PRELID2: variants seen among roughly 807,000 people sequenced by gnomAD.
PRELID2 encodes PRELI domain containing 2, also known as PRELI domain-containing protein 2.
Under a neutral mutation model 28.4 loss-of-function variants are expected in PRELID2, and 25 were observed. The ratio of observed to expected loss-of-function variants is 0.88; its 90% CI spans 0.64 to 1.23. The LOEUF (loss-of-function observed/expected upper bound fraction) is 1.23, where lower values mean the gene tolerates loss of function less well. Ranked by LOEUF, PRELID2 falls within the 50% of genes most tolerant of loss-of-function variation. The pLI, the probability that PRELID2 is intolerant of heterozygous loss-of-function variation, is 0.00. For synonymous variants in PRELID2, 76 were observed against 71.6 expected (o/e 1.06, Z -0.31); for missense variants, 201 against 214.4 (o/e 0.94, Z 0.39).
intron 2 of PRELID2, among the ~76,000 whole-genome samples, chr5:145,473,015 CAACT>C (rs1358640439): frequency 1.3e-5 from 2 of 152,098 alleles, no homozygotes; most frequent in Non-Finnish European, 2.9e-5. Context: ...TCACAGCAAC[CAACT>C]ATCTGTGCTA....
the PRELID2 span, among the ~76,000 whole-genome samples, chr5:145,272,265 G>T: frequency 6.6e-6 from 1 of 152,018 alleles, no homozygotes; most frequent in Non-Finnish European, 1.5e-5. Context: ...TAAGATAGAC[G>T]TCATGGGACT....
intron 1 of PRELID2, among the ~76,000 whole-genome samples, chr5:145,658,037 C>G (rs188452961): frequency 1.4e-3 from 217 of 152,256 alleles, no homozygotes; most frequent in African/African-American, 5.1e-3. Flanking sequence ...GTGCTACAGA[C>G]AATTCAGTTA....
the PRELID2 span, among the ~76,000 whole-genome samples, chr5:145,287,238 G>A: frequency 6.6e-6 from 1 of 152,006 alleles, no homozygotes; most frequent in South Asian, 2.1e-4. Context: ...ACATAGCTAT[G>A]ATAAAGTTTA....
At chr5:145,405,671 G>C in the PRELID2 span, among the ~76,000 whole-genome samples, 2 of 147,402 alleles carry the variant, frequency 1.4e-5, no homozygotes, top group Admixed American at 1.4e-4. Context: ...GCACAAGCAA[G>C]AGACAGCAAG....
intron 5 of PRELID2, among the ~76,000 whole-genome samples, chr5:145,768,098 G>A (rs1757879853): frequency 6.6e-6 from 1 of 151,840 alleles, no homozygotes; most frequent in Non-Finnish European, 1.5e-5. Context: ...GGTGGTGGGT[G>A]CCTGTAGTCC....
intron 1 of PRELID2, among the ~76,000 whole-genome samples, chr5:145,536,543 T>G (rs1230401449): frequency 6.6e-6 from 1 of 151,910 alleles, no homozygotes; most frequent in African/African-American, 2.4e-5. Context: ...AGGCACTCTT[T>G]TATTTATTTC....
chr5:145,557,791 C>A (rs572177672), intron 1 of PRELID2, among the ~76,000 whole-genome samples: 56 of 152,308 alleles, frequency 3.7e-4, no homozygotes, highest in African/African-American at 1.3e-3. Context: ...AAGGTCAACA[C>A]TTAGTAAATG....
chr5:145,387,920 T>C, the PRELID2 span, among the ~76,000 whole-genome samples: 4 of 146,960 alleles, frequency 2.7e-5, no homozygotes. Context: ...AGAAAGACCC[T>C]GTCTCAAGAC....
the PRELID2 span, among the ~76,000 whole-genome samples, chr5:145,372,250 T>C: frequency 1.4e-3 from 219 of 152,142 alleles, no homozygotes; most frequent in African/African-American, 4.9e-3. Flanking sequence ...TGTAATTGAT[T>C]TGTTTTGAGT....
At position 145,568,237 on chromosome 5, in the gene PRELID2, A is replaced by T. The variant is rs866772564; in HGVS notation, n.71-94922T>A. On this transcript the variant is annotated intron_variant and non_coding_transcript_variant, in intron 1 of 2. Transcript: ENST00000510259. ...GTGAGGAAGAGGCCAAGTGCACTCTAATAGAGACCCCTCCACATGGAATCC... is the reference window on the plus strand; with the variant it reads ...GTGAGGAAGAGGCCAAGTGCACTCTTATAGAGACCCCTCCACATGGAATCC... Among the ~76,000 whole-genome samples the T allele has an allele frequency of 3.3e-5, 5 of 152,226 alleles. No homozygotes were observed. The South Asian group carries it at 8.3e-4, about 25-fold the overall frequency.
chr5:145,599,015 A>C (rs1446835210), intron 1 of PRELID2, among the ~76,000 whole-genome samples: 1 of 152,062 alleles, frequency 6.6e-6, no homozygotes, highest in Non-Finnish European at 1.5e-5. Context: ...CTATGTCAAA[A>C]CTTGATTCAG....
chr5:145,811,176 A>G lies in PRELID2; in HGVS notation c.368+6718T>C, dbSNP rs192779950. ...TCAGATCTCGTGAAACTTATTCACTATCACAAGAACAGCATGGGAAAGACC... is the reference window on the plus strand; with the variant it reads ...TCAGATCTCGTGAAACTTATTCACTGTCACAAGAACAGCATGGGAAAGACC... On this transcript the variant is annotated intron_variant, in intron 4 of 6. Coordinates refer to ENST00000683046, the MANE Select transcript of PRELID2 (RefSeq NM_205846.3). 9.3e-5 allele frequency among the ~76,000 whole-genome samples: 14 copies of G among 150,210 alleles called. No homozygotes were observed. In the East Asian group the frequency reaches 2.5e-3, roughly 27 times the overall value.
chr5:145,383,079 A>G, the PRELID2 span, among the ~76,000 whole-genome samples: 1 of 151,598 alleles, frequency 6.6e-6, no homozygotes, highest in South Asian at 2.1e-4. Flanking sequence ...ACTCAATGCA[A>G]TTTCAATCAA....
rs2149759315 is a variant in PRELID2, at chr5:145,758,744, AGT to A, written c.*1790_*1791del. Among the ~76,000 whole-genome samples, 1 of 152,298 alleles carries A rather than the reference AGT, an allele frequency of 6.6e-6. No individual in the cohort carries two copies. The highest frequency in any genetic ancestry group is 1.5e-5 in the Non-Finnish European group (1 of 68,014). On this transcript the variant is annotated 3_prime_UTR_variant, in exon 7 of 7. Coordinates refer to ENST00000683046, the MANE Select transcript of PRELID2 (RefSeq NM_205846.3). ...CTACAAATTGGAAAAAAAAGGTCAA[AGT>A]GTGTTTTAGTTTCTACCATTATTTT...
the PRELID2 span, among the ~76,000 whole-genome samples, chr5:145,410,764 A>G: frequency 1.3e-5 from 2 of 152,130 alleles, no homozygotes; most frequent in Non-Finnish European, 2.9e-5. Context: ...GCCAAACCAT[A>G]TCATTCTGCC....
chr5:145,795,380 A>T (rs956055366), intron 5 of PRELID2: 1 of 152,166 alleles, frequency 6.6e-6, no homozygotes, highest in African/African-American at 2.4e-5. Context: ...AACCACCTCA[A>T]CTGGAGCAAG....
At chr5:145,832,943 T>C (rs146045141) in intron 1 of PRELID2, among the ~76,000 whole-genome samples, 101 of 152,314 alleles carry the variant, frequency 6.6e-4, no homozygotes, top group Middle Eastern at 3.4e-3. Context: ...AAGCACCATG[T>C]ATTTTCCTTT....
chr5:145,570,758 C>T (rs1005608037), intron 1 of PRELID2, among the ~76,000 whole-genome samples: 5 of 152,152 alleles, frequency 3.3e-5, no homozygotes, highest in South Asian at 4.1e-4. Flanking sequence ...CATTGTCCTC[C>T]CATTGTCCCC....
At chr5:145,676,258 T>C (rs1198504547) in intron 1 of PRELID2, among the ~76,000 whole-genome samples, 1 of 149,494 alleles carries the variant, frequency 6.7e-6, no homozygotes, top group Non-Finnish European at 1.5e-5. Flanking sequence ...TGTCTCATTG[T>C]TTGTGTGGCA....
Sources: gnomAD v4.1 joint callset for allele counts (sites outside exome capture counted in the v4.1 genomes callset) on GRCh38, gnomAD v4.1.1 for gene constraint, MANE v1.5 for transcripts, NCBI Gene and HGNC (gene_info 2026-07-23, HGNC 2026-07-21) for gene names.